Variants in PLCH1 observed in about 807,000 individuals in gnomAD.
The protein encoded by PLCH1 is phospholipase C eta 1, also known as 1-phosphatidylinositol 4,5-bisphosphate phosphodiesterase eta-1.
A neutral mutation model predicts 126.7 loss-of-function variants in PLCH1; 60 were observed. The ratio of observed to expected loss-of-function variants is 0.47; its 90% CI spans 0.38 to 0.59. PLCH1 has a LOEUF of 0.59. Ranked by LOEUF, PLCH1 falls within the 20% of genes least tolerant of loss-of-function variation. The pLI, the probability that PLCH1 is intolerant of heterozygous loss-of-function variation, is 0.00. For synonymous variants in PLCH1, 719 were observed against 734.9 expected (o/e 0.98, Z 0.35); for missense variants, 1,723 against 2,040.0 (o/e 0.84, Z 2.99).
chr3:155,521,010 C>T (rs867450243), intron 11 of PLCH1, among the ~76,000 whole-genome samples: 4 of 152,180 alleles, frequency 2.6e-5, no homozygotes, highest in African/African-American at 4.8e-5. Context: ...CTGGCCTTTG[C>T]GCTTGGGGTT....
Position 155,500,138 on chromosome 3 carries a change from G to T in PLCH1, c.1796+565C>A, listed in dbSNP as rs561111876. Among the ~76,000 whole-genome samples the T allele has an allele frequency of 7.9e-5, 12 of 152,226 alleles. No individual in the cohort carries two copies. The South Asian group carries it at 2.1e-3, about 26-fold the overall frequency. ...TCACGATTTGGATTCTGAAAATATG[G>T]TCATGTTACTTATCATAAATACTAC... On this transcript the variant is annotated intron_variant, in intron 14 of 22. Coordinates refer to ENST00000460012, the MANE Select transcript of PLCH1 (RefSeq NM_014996.4).
chr3:155,469,308 G>A (rs1013201675), intron 21 of PLCH1, among the ~76,000 whole-genome samples: 1 of 152,180 alleles, frequency 6.6e-6, no homozygotes, highest in Non-Finnish European at 1.5e-5. Context: ...TCAAAGAAAG[G>A]GGTGATGGAC....
chr3:155,525,835 C>CA (rs1286278766), intron 10 of PLCH1, among the ~76,000 whole-genome samples: 1 of 151,906 alleles, frequency 6.6e-6, no homozygotes, highest in African/African-American at 2.4e-5. Flanking sequence ...TAAAAAACAG[C>CA]AAAAAAGTCT....
At chr3:155,475,492 A>G (rs377206198), downstream of PLCH1, among the ~76,000 whole-genome samples, 3 of 152,104 alleles carry the variant, frequency 2.0e-5, no homozygotes, top group East Asian at 1.9e-4. Flanking sequence ...AAACAACATT[A>G]GAGTGGGAAA....
chr3:155,727,845 A>T (rs1350906513), intron 1 of PLCH1, among the ~76,000 whole-genome samples: 2 of 152,096 alleles, frequency 1.3e-5, no homozygotes. Context: ...GTGATAGGTG[A>T]TCTTCCTTAC....
At chr3:155,682,821 C>T (rs911140817) in intron 2 of PLCH1, among the ~76,000 whole-genome samples, 1 of 152,118 alleles carries the variant, frequency 6.6e-6, no homozygotes, top group Non-Finnish European at 1.5e-5. Flanking sequence ...AATTGCAAAC[C>T]CAGTGTATTA....
intron 21 of PLCH1, among the ~76,000 whole-genome samples, chr3:155,471,167 G>A (rs1713210161): frequency 6.6e-6 from 1 of 152,154 alleles, no homozygotes; most frequent in African/African-American, 2.4e-5. Flanking sequence ...TCAGTGTGCT[G>A]TATTCAGGAA....
At chr3:155,588,830 C>G (rs967272596) in intron 4 of PLCH1, among the ~76,000 whole-genome samples, 2 of 152,146 alleles carry the variant, frequency 1.3e-5, no homozygotes, top group African/African-American at 4.8e-5. Flanking sequence ...CCTCCTGGAG[C>G]CTCCATTTCT....
rs143737074 is a variant in PLCH1 at position 155,487,321 on chromosome 3, C to T, written c.2619+707G>A. ...TATACAGATTTTCTGGCAAAGAGCA[C>T]GGGACATTTCTAGGCCCCATTCAAT... On this transcript the variant is annotated intron_variant, in intron 21 of 22. Transcript: ENST00000460012. Among the ~76,000 whole-genome samples the T allele has an allele frequency of 7.6e-3, 1,159 of 152,296 alleles. 6 individuals are homozygous for T. Among genetic ancestry groups the T allele is most frequent in the South Asian group, 0.016 (76 of 4,824 alleles).
chr3:155,617,779 A>T (rs139054130), intron 2 of PLCH1, among the ~76,000 whole-genome samples: 132 of 152,292 alleles, frequency 8.7e-4, no homozygotes, highest in African/African-American at 3.1e-3. Context: ...AGCCAATAAA[A>T]TCCCTTGAAA....
chr3:155,701,914 T>A (rs1746303864), intron 2 of PLCH1, among the ~76,000 whole-genome samples: 1 of 152,196 alleles, frequency 6.6e-6, no homozygotes, highest in Admixed American at 6.5e-5. Context: ...AAATGATATT[T>A]TACACTATCA....
At chr3:155,567,451 C>T (rs958791828) in intron 7 of PLCH1, among the ~76,000 whole-genome samples, 2 of 152,120 alleles carry the variant, frequency 1.3e-5, no homozygotes, top group African/African-American at 4.8e-5. Context: ...ATTAAACCCC[C>T]CTTGTTCACA....
At chr3:155,656,085 C>G (rs1376319593) in intron 2 of PLCH1, among the ~76,000 whole-genome samples, 3 of 151,862 alleles carry the variant, frequency 2.0e-5, no homozygotes, top group African/African-American at 7.3e-5. Context: ...GGATAATTTC[C>G]TAAAAAGATA....
chr3:155,488,689 C>G lies in PLCH1; in HGVS notation c.2510G>C (p.Arg837Thr), dbSNP rs566830499. The G allele has an allele frequency of 6.2e-7, 1 of 1,613,760 alleles. No individual in the cohort carries two copies. Among genetic ancestry groups the G allele is most frequent in the Non-Finnish European group, 8.5e-7 (1 of 1,179,890 alleles). ...CACTAAGCTGCTGAAGGTCACAGTTCTTTGTCCAACAAAGTCTCGTCCAAT... is the reference window on the plus strand; with the variant it reads ...CACTAAGCTGCTGAAGGTCACAGTTGTTTGTCCAACAAAGTCTCGTCCAAT... ...DPIGRDFVGQ[R>T]TVTFSSLVPG... The change falls in exon 20 of 23, where the codon AGA (arginine) becomes ACA (threonine). Residue 837 changes from arginine to threonine, a missense_variant. By Grantham distance (71) the Arg-to-Thr change is moderately conservative. Around this residue, in one of 2 missense-constraint regions of PLCH1, gnomAD observed 776 missense variants for 1,062.9 expected, o/e 0.73. Coordinates refer to ENST00000460012, the MANE Select transcript of PLCH1 (RefSeq NM_014996.4).
At chr3:155,593,911 G>C (rs1445335284) in intron 4 of PLCH1, 30 bp downstream of exon 4, 12 of 1,609,426 alleles carry the variant, frequency 7.5e-6, no homozygotes, top group Admixed American at 1.7e-5. Context: ...GAGCAAGAGA[G>C]AGCTGAAAAT....
intron 2 of PLCH1, among the ~76,000 whole-genome samples, chr3:155,651,431 T>C (rs1740699586): frequency 6.6e-6 from 1 of 152,068 alleles, no homozygotes; most frequent in Non-Finnish European, 1.5e-5. Flanking sequence ...CTGTCAATTG[T>C]AATATCTACA....
intron 15 of PLCH1, among the ~76,000 whole-genome samples, chr3:155,495,437 G>T: frequency 6.6e-6 from 1 of 151,878 alleles, no homozygotes; most frequent in East Asian, 1.9e-4. Context: ...CCCCAAAATG[G>T]CCGCCCATAT....
chr3:155,628,036 G>T (rs933950346), intron 2 of PLCH1, among the ~76,000 whole-genome samples: 6 of 151,812 alleles, frequency 4.0e-5, no homozygotes, highest in Admixed American at 3.9e-4. Flanking sequence ...CAAAATGCTG[G>T]GATTACAGGT....
chr3:155,627,972 G>A (rs56092312), intron 2 of PLCH1, among the ~76,000 whole-genome samples: 73,310 of 151,230 alleles, frequency 0.48, 20,106 homozygotes, highest in African/African-American at 0.74. Flanking sequence ...TCGCCATGTT[G>A]GCCAGGTTGA....
Sources: gnomAD v4.1 joint callset for allele counts (sites outside exome capture counted in the v4.1 genomes callset) on GRCh38, gnomAD v4.1.1 for gene constraint, gnomAD v4.1.1 regional missense constraint, MANE v1.5 for transcripts, NCBI Gene and HGNC (gene_info 2026-07-23, HGNC 2026-07-21) for gene names.